Variants in DNAH6 observed in about 807,000 individuals in gnomAD.
The protein encoded by DNAH6 is dynein axonemal heavy chain 6, also known as axonemal beta dynein heavy chain 6.
A neutral mutation model predicts 491.4 loss-of-function variants in DNAH6; 340 were observed. The ratio of observed to expected loss-of-function variants is 0.69; its 90% confidence interval spans 0.63 to 0.76. The LOEUF (loss-of-function observed/expected upper bound fraction) is 0.76. DNAH6 is among the 30% of genes least tolerant of loss of function. The pLI is 0.00. For missense variants in DNAH6, 4,443 were observed against 4,972.2 expected (o/e 0.89, Z 3.20); for synonymous variants, 1,603 against 1,686.1 (o/e 0.95, Z 1.21).
chr2:84,783,043 A>G (rs1464498995), intron 65 of DNAH6, among the ~76,000 whole-genome samples: 4 of 152,222 alleles, frequency 2.6e-5, no homozygotes, highest in Admixed American at 2.6e-4. Flanking sequence ...ATAATCATTT[A>G]TCACCTAACC....
At chr2:84,769,917 T>A (rs931758617) in intron 64 of DNAH6, among the ~76,000 whole-genome samples, 3 of 152,148 alleles carry the variant, frequency 2.0e-5, no homozygotes, top group Non-Finnish European at 4.4e-5. Context: ...GAGTGTGTAC[T>A]CACAAAAGAC....
intron 31 of DNAH6, among the ~76,000 whole-genome samples, chr2:84,640,197 A>G (rs1323317331): frequency 2.6e-5 from 4 of 152,184 alleles, no homozygotes; most frequent in African/African-American, 7.2e-5. Context: ...CTACATCTTC[A>G]TCTACACATG....
At chr2:84,759,284 G>A (rs1437892368) in intron 63 of DNAH6, among the ~76,000 whole-genome samples, 1 of 151,818 alleles carries the variant, frequency 6.6e-6, no homozygotes, top group African/African-American at 2.4e-5. Context: ...AAGATGGGTG[G>A]ATTGCCTGAG....
At position 84,658,565 on chromosome 2, in the gene DNAH6, A is replaced by G. The variant is rs1473183763; in HGVS notation, c.5940+91A>G. ...AGAAATGACTCCATTCTAAAATATA[A>G]CCATTTGATTTTTAAGTTAATTTTT... On this transcript the variant is annotated intron_variant, in intron 36 of 76. Transcript: ENST00000389394. The G allele has an allele frequency of 1.1e-5, 10 of 944,304 alleles. No individual in the cohort carries two copies. In the African/African-American group the frequency reaches 1.6e-4, roughly 15 times the overall value. 58.5% of individuals were successfully genotyped at this position (944,304 alleles called of 1,614,324 possible).
chr2:84,636,493 G>A (rs1295437595), intron 30 of DNAH6, among the ~76,000 whole-genome samples: 1 of 152,164 alleles, frequency 6.6e-6, no homozygotes, highest in Non-Finnish European at 1.5e-5. Flanking sequence ...AAGCCTGGGA[G>A]TTTCTGGAGA....
chr2:84,762,113 A>G lies in DNAH6; in HGVS notation c.10513-642A>G, dbSNP rs1674647528. Among the ~76,000 whole-genome samples the G allele has an allele frequency of 2.6e-5, 4 of 152,148 alleles. No individual in the cohort carries two copies. The South Asian group carries it at 8.3e-4, about 32-fold the overall frequency. Reference sequence around the variant, plus strand: ...AGGGTAGGGTAGGATCAGTGAAAGAACCAAATTGATGTAGGAAATGGCCAG... The same window carrying G: ...AGGGTAGGGTAGGATCAGTGAAAGAGCCAAATTGATGTAGGAAATGGCCAG... On this transcript the variant is annotated intron_variant, in intron 63 of 76. Coordinates refer to ENST00000389394, the MANE Select transcript of DNAH6 (RefSeq NM_001370.2).
intron 68 of DNAH6, among the ~76,000 whole-genome samples, chr2:84,791,518 CAG>C (rs1347829196): frequency 6.6e-6 from 1 of 151,872 alleles, no homozygotes; most frequent in Non-Finnish European, 1.5e-5. Context: ...TTTCATGGGA[CAG>C]GGAGTAGACA....
chr2:84,705,886 A>G, intron 52 of DNAH6, 139 bp downstream of exon 52: 1 of 1,122,488 alleles, frequency 8.9e-7, no homozygotes, highest in Non-Finnish European at 1.2e-6. Context: ...TTTGTTTTAA[A>G]CAAGAGCTGG....
the DNAH6 span, among the ~76,000 whole-genome samples, chr2:84,479,899 AT>A: frequency 6.6e-6 from 1 of 152,216 alleles, no homozygotes. Flanking sequence ...CTTCTTCAGC[AT>A]TTTCGTGGCT....
At chr2:84,696,848 G>T (rs1695446492) in intron 46 of DNAH6, among the ~76,000 whole-genome samples, 1 of 152,062 alleles carries the variant, frequency 6.6e-6, no homozygotes. Context: ...AAATTTGAAA[G>T]AAAACTCCAA....
chr2:84,502,124 A>G, the DNAH6 span, among the ~76,000 whole-genome samples: 20 of 152,068 alleles, frequency 1.3e-4, no homozygotes, highest in African/African-American at 4.8e-4. Flanking sequence ...TAGATTGTTT[A>G]TTTGAAGTTC....
chr2:84,692,438 T>C (rs1322623248), intron 45 of DNAH6, among the ~76,000 whole-genome samples: 1 of 145,624 alleles, frequency 6.9e-6, no homozygotes, highest in Non-Finnish European at 1.5e-5. Flanking sequence ...GATAGATAGA[T>C]AGATAGATAG....
intron 10 of DNAH6, among the ~76,000 whole-genome samples, chr2:84,554,168 C>T (rs1207616158): frequency 6.6e-6 from 1 of 152,204 alleles, no homozygotes; most frequent in African/African-American, 2.4e-5. Flanking sequence ...TTAGGAAGGG[C>T]TCAATCCCTC....
chr2:84,637,000 G>T (rs1196961390), intron 30 of DNAH6, among the ~76,000 whole-genome samples: 1 of 152,182 alleles, frequency 6.6e-6, no homozygotes, highest in Non-Finnish European at 1.5e-5. Context: ...CAAGTCAGGT[G>T]CAGGGAGACA....
At chr2:84,769,279 G>A (rs1400726748) in intron 64 of DNAH6, among the ~76,000 whole-genome samples, 1 of 152,170 alleles carries the variant, frequency 6.6e-6, no homozygotes, top group African/African-American at 2.4e-5. Context: ...CGTGCCTATG[G>A]CCCCCTGAGT....
chr2:84,547,623 G>A lies in DNAH6; in HGVS notation c.1186+11G>A. On this transcript the variant is annotated intron_variant, in intron 7 of 76. Transcript: ENST00000389394. The stretch of plus-strand genomic sequence containing the variant: ...TTGGACCTTTTGAGGGTATGAAGGG[G>A]AAAGAACCTCAATATATCAGAAGTG... The A allele has an allele frequency of 6.4e-7, 1 of 1,551,262 alleles. No homozygotes were observed. Among genetic ancestry groups the A allele is most frequent in the Non-Finnish European group, 8.7e-7 (1 of 1,146,642 alleles).
chr2:84,568,002 G>A (rs1681389816), intron 11 of DNAH6, among the ~76,000 whole-genome samples: 1 of 152,136 alleles, frequency 6.6e-6, no homozygotes, highest in African/African-American at 2.4e-5. Context: ...CTGATCATTA[G>A]AGAAATGCAA....
the DNAH6 span, among the ~76,000 whole-genome samples, chr2:84,491,272 C>T: frequency 6.6e-6 from 1 of 152,162 alleles, no homozygotes; most frequent in East Asian, 1.9e-4. Flanking sequence ...ATATTTTTAA[C>T]ATTTTAACCT....
At position 84,796,315 on chromosome 2, in the gene DNAH6, C is replaced by T; in HGVS notation, c.11249C>T (p.Thr3750Ile). The T allele has an allele frequency of 1.3e-6, 2 of 1,484,710 alleles. No individual in the cohort carries two copies. The highest frequency in any genetic ancestry group is 2.9e-5 in the South Asian group (2 of 70,088). 92.0% of individuals were successfully genotyped at this position (1,484,710 alleles called of 1,614,324 possible). The change falls in exon 69 of 77, where the codon ACT becomes ATT. Residue 3750 changes from threonine to isoleucine, a missense_variant. Coordinates refer to ENST00000389394, the MANE Select transcript of DNAH6 (RefSeq NM_001370.2). ...DALIYITGEI[T>I]YGGRVTDSWD... ...ACAAATTTCTTTTCAGGTGAAATTACTTATGGTGGTAGAGTCACAGACAGC... is the reference window on the plus strand; with the variant it reads ...ACAAATTTCTTTTCAGGTGAAATTATTTATGGTGGTAGAGTCACAGACAGC...
Sources: gnomAD v4.1 joint callset for allele counts (sites outside exome capture counted in the v4.1 genomes callset) on GRCh38, gnomAD v4.1.1 for gene constraint, MANE v1.5 for transcripts, NCBI Gene and HGNC (gene_info 2026-07-23, HGNC 2026-07-21) for gene names.